MYO3B: variants seen among roughly 807,000 people sequenced by gnomAD.
MYO3B encodes myosin IIIB, also known as myosin-IIIb.
Under a neutral mutation model 174.6 loss-of-function variants are expected in MYO3B, and 156 were observed. The observed-to-expected ratio is 0.89, with a 90% CI of 0.78 to 1.02. The LOEUF is 1.02. MYO3B is among the 50% of genes least tolerant of loss of function. MYO3B has a pLI of 0.00. For missense variants in MYO3B, 1,632 were observed against 1,639.4 expected (o/e 1.00, Z 0.08); for synonymous variants, 563 against 569.1 (o/e 0.99, Z 0.15).
Position 170,532,816 on chromosome 2 carries a change from C to CAA in MYO3B, c.3576-10072_3576-10071dup, listed in dbSNP as rs35190722. ...GGGCAACAAGAGTGAAACTCTGTCT[C>CAA]AAAAAAAAAAAAAAAAAAAGAGTAT... On this transcript the variant is annotated intron_variant, in intron 30 of 34. Transcript: ENST00000408978. Among the ~76,000 whole-genome samples the CAA allele has an allele frequency of 8.2e-3, 701 of 85,114 alleles. 9 individuals are homozygous for CAA. The highest frequency in any genetic ancestry group is 0.023 in the African/African-American group (524 of 22,534). 55.8% of individuals were successfully genotyped at this position (85,114 alleles called of 152,430 possible).
chr2:170,180,670 G>A (rs577485915), intron 1 of MYO3B, among the ~76,000 whole-genome samples: 201 of 152,122 alleles, frequency 1.3e-3, no homozygotes, highest in African/African-American at 4.5e-3. Context: ...ATTTTAAAAA[G>A]CATATAAATT....
chr2:170,221,426 G>A lies in MYO3B; in HGVS notation c.603+4031G>A, dbSNP rs189463118. On this transcript the variant is annotated intron_variant, in intron 6 of 34. Coordinates refer to ENST00000408978, the MANE Select transcript of MYO3B (RefSeq NM_138995.5). ...TTCAGGTAGCTATTCTACAAACCGGGTAGCTAATGGAATGTGACCACAGTA... is the reference window on the plus strand; with the variant it reads ...TTCAGGTAGCTATTCTACAAACCGGATAGCTAATGGAATGTGACCACAGTA... 3.9e-5 allele frequency among the ~76,000 whole-genome samples: 6 copies of A among 152,150 alleles called. No homozygotes were observed. The East Asian group carries it at 1.2e-3, about 29-fold the overall frequency.
rs77125010 is a variant in MYO3B at position 170,598,945 on chromosome 2, G to A, written c.3734-52683G>A. Among the ~76,000 whole-genome samples the A allele has an allele frequency of 2.3e-4, 35 of 152,196 alleles. No individual in the cohort carries two copies. In the East Asian group the frequency reaches 6.6e-3, roughly 28 times the overall value. ...TAATTACAATTATTATTAGAAATAGGTCCTTCCTCTTTGCCTCAAGTCCTT... is the reference window on the plus strand; with the variant it reads ...TAATTACAATTATTATTAGAAATAGATCCTTCCTCTTTGCCTCAAGTCCTT... On this transcript the variant is annotated intron_variant, in intron 32 of 34. Coordinates refer to ENST00000408978, the MANE Select transcript of MYO3B (RefSeq NM_138995.5).
chr2:170,383,933 A>G, intron 12 of MYO3B, 119 bp downstream of exon 12: 1 of 755,262 alleles, frequency 1.3e-6, no homozygotes, highest in Non-Finnish European at 2.3e-6. Context: ...TGACCCAAAG[A>G]GACAGGAGAT....
At chr2:170,297,990 TC>T (rs2093639416) in intron 7 of MYO3B, among the ~76,000 whole-genome samples, 1 of 152,206 alleles carries the variant, frequency 6.6e-6, no homozygotes, top group South Asian at 2.1e-4. Context: ...ATAATCATAT[TC>T]TAGAAATACT....
intron 32 of MYO3B, among the ~76,000 whole-genome samples, chr2:170,551,311 C>A (rs1202221842): frequency 6.8e-6 from 1 of 147,282 alleles, no homozygotes; most frequent in Non-Finnish European, 1.5e-5. Context: ...CCCACCAGAT[C>A]TGAATGTTTT....
chr2:170,498,876 G>A (rs149479900), intron 26 of MYO3B, among the ~76,000 whole-genome samples, 173 bp downstream of exon 26: 1 of 152,324 alleles, frequency 6.6e-6, no homozygotes, highest in East Asian at 1.9e-4. Flanking sequence ...GGGAGTAGAG[G>A]AGGAGGGTTT....
chr2:170,301,635 A>G (rs1559370836), intron 7 of MYO3B, among the ~76,000 whole-genome samples: 2 of 152,162 alleles, frequency 1.3e-5, no homozygotes, highest in Non-Finnish European at 1.5e-5. Context: ...AAACAAAACA[A>G]TGGCTGGGAG....
intron 32 of MYO3B, among the ~76,000 whole-genome samples, chr2:170,649,403 T>C (rs1575345312): frequency 2.7e-5 from 2 of 75,236 alleles, no homozygotes; most frequent in Middle Eastern, 9.2e-3. Context: ...ATATAAAATA[T>C]AAAATATTAC....
intron 32 of MYO3B, among the ~76,000 whole-genome samples, chr2:170,619,126 G>A (rs910372477): frequency 2.0e-5 from 3 of 152,146 alleles, no homozygotes; most frequent in Non-Finnish European, 4.4e-5. Flanking sequence ...AGATGAGGGC[G>A]TTTCTAGCCC....
Position 170,400,293 on chromosome 2 carries a change from A to T in MYO3B, c.1897A>T (p.Asn633Tyr), listed in dbSNP as rs1472554593. ...TCAGACTGATAAAAGTGAGGTGCCC[A>T]ATGCTGAAGCTTTGCAAAATGGTAA... is the stretch of plus-strand genomic sequence containing the variant. ...QHQTDKSEVP[N>Y]AEALQNAASV... Residue 633 changes from asparagine (N) to tyrosine (Y), a missense_variant, in exon 17 of 35, where the codon AAT becomes TAT. Physicochemically the swap from Asn to Tyr is moderately radical, Grantham distance 143. Coordinates refer to ENST00000408978, the MANE Select transcript of MYO3B (RefSeq NM_138995.5). 6.2e-7 allele frequency: 1 copy of T among 1,614,130 alleles called. No homozygotes were observed. Among genetic ancestry groups the T allele is most frequent in the Non-Finnish European group, 8.5e-7 (1 of 1,180,010 alleles).
chr2:170,560,321 G>A (rs188263567), intron 32 of MYO3B, among the ~76,000 whole-genome samples: 214 of 152,254 alleles, frequency 1.4e-3, no homozygotes, highest in Middle Eastern at 6.8e-3. Context: ...TAATGGGAGG[G>A]AGTTGTTTCA....
chr2:170,521,933 G>C (rs1263499610), intron 30 of MYO3B, among the ~76,000 whole-genome samples: 1 of 152,150 alleles, frequency 6.6e-6, no homozygotes, highest in African/African-American at 2.4e-5. Flanking sequence ...ATGTTCATCA[G>C]ACTCTGCAGC....
intron 22 of MYO3B, among the ~76,000 whole-genome samples, chr2:170,440,596 C>T (rs755092997): frequency 4.0e-5 from 6 of 151,776 alleles, no homozygotes; most frequent in South Asian, 2.1e-4. Context: ...TATAAAAATG[C>T]AACTGAATTA....
intron 32 of MYO3B, among the ~76,000 whole-genome samples, chr2:170,595,286 G>A (rs888882181): frequency 2.0e-5 from 3 of 152,154 alleles, no homozygotes; most frequent in African/African-American, 7.2e-5. Context: ...GATGATTGAT[G>A]GGAATCTTGT....
chr2:170,469,218 G>T (rs977670650), intron 25 of MYO3B, among the ~76,000 whole-genome samples: 2 of 152,158 alleles, frequency 1.3e-5, no homozygotes, highest in Non-Finnish European at 2.9e-5. Flanking sequence ...AAGGAGACCT[G>T]AATTCTAGTC....
intron 7 of MYO3B, among the ~76,000 whole-genome samples, chr2:170,257,518 C>A (rs913275258): frequency 9.2e-5 from 14 of 151,884 alleles, no homozygotes; most frequent in African/African-American, 3.4e-4. Context: ...AGGCAGAAAT[C>A]AAAAAATTAT....
chr2:170,262,957 G>A (rs2105353575), intron 7 of MYO3B, among the ~76,000 whole-genome samples: 1 of 152,256 alleles, frequency 6.6e-6, no homozygotes. Flanking sequence ...ATTAAAACAT[G>A]ATTTTGACGT....
chr2:170,214,387 T>TG lies in MYO3B; in HGVS notation c.335dup (p.Ser113LeufsTer4). On this transcript the variant is annotated frameshift_variant, in exon 4 of 35. Transcript: ENST00000408978. LOFTEE classifies it high-confidence loss of function. ...GGCACCTCTTCTTGCAGCTGTGTAA[T>TG]GGGGGCTCAGTCACTGAGCTTGTCA... The TG allele has an allele frequency of 6.2e-7, 1 of 1,614,038 alleles. No individual in the cohort carries two copies.
Sources: gnomAD v4.1 joint callset for allele counts (sites outside exome capture counted in the v4.1 genomes callset) on GRCh38, gnomAD v4.1.1 for gene constraint, MANE v1.5 for transcripts, NCBI Gene and HGNC (gene_info 2026-07-23, HGNC 2026-07-21) for gene names.